Variants in TBK1 observed in about 807,000 individuals in gnomAD.
TBK1 encodes serine/threonine-protein kinase TBK1.
A neutral mutation model predicts 99.9 loss-of-function variants in TBK1; 37 were observed. The ratio of observed to expected loss-of-function variants is 0.37; its 90% CI spans 0.28 to 0.49. The LOEUF (loss-of-function observed/expected upper bound fraction) is 0.49. TBK1 is among the 20% of genes least tolerant of loss of function. The pLI, the probability that TBK1 is intolerant of heterozygous loss-of-function variation, is 0.98. For synonymous variants in TBK1, 258 were observed against 279.8 expected (o/e 0.92, Z 0.78); for missense variants, 644 against 872.5 (o/e 0.74, Z 3.30).
At chr12:64,499,037 C>CTTTTTTTTTTTTTTTT (rs763709411) in intron 20 of TBK1, among the ~76,000 whole-genome samples, 2 of 79,258 alleles carry the variant, frequency 2.5e-5, no homozygotes, top group African/African-American at 4.8e-5. Context: ...TAATTTTATT[C>CTTTTTTTTTTTTTTTT]TTTTTTTTTT....
intron 3 of TBK1, among the ~76,000 whole-genome samples, chr12:64,462,987 G>A (rs1287325969): frequency 6.6e-6 from 1 of 152,126 alleles, no homozygotes; most frequent in Non-Finnish European, 1.5e-5. Context: ...TTAAGGATAG[G>A]ACTCCATTCC....
At chr12:64,499,227 T>C (rs7397683) in intron 20 of TBK1, among the ~76,000 whole-genome samples, 46,472 of 150,598 alleles carry the variant, frequency 0.31, 7,599 homozygotes, top group East Asian at 0.56. Context: ...GTATTTTTAG[T>C]AGAGCTGGGG....
chr12:64,472,259 C>A (rs556846428), intron 5 of TBK1, among the ~76,000 whole-genome samples: 3 of 150,572 alleles, frequency 2.0e-5, no homozygotes, highest in Non-Finnish European at 4.4e-5. Flanking sequence ...CCAGCACCCC[C>A]CCACCACCCC....
Position 64,464,416 on chromosome 12 carries a change from C to T in TBK1, c.311C>T (p.Ala104Val). ...LYTVLEEPSN[A>V]YGLPESEFLI... ...ACTGTTTTAGAAGAACCTTCTAATG[C>T]CTATGGACTACCAGAATCTGAATTC... The change falls in exon 4 of 21, where the codon GCC (alanine) becomes GTC (valine). Residue 104 changes from alanine to valine, a missense_variant. Transcript: ENST00000331710. 13 of 1,603,032 alleles carry T rather than the reference C, an allele frequency of 8.1e-6. No homozygotes were observed. The highest frequency in any genetic ancestry group is 1.1e-5 in the Non-Finnish European group (13 of 1,174,054).
rs747864223 is a variant in TBK1, at chr12:64,455,920, A to T, written c.50A>T (p.Gln17Leu). 1 of 1,613,994 alleles carries T rather than the reference A, an allele frequency of 6.2e-7. No homozygotes were observed. Among genetic ancestry groups the T allele is most frequent in the Non-Finnish European group, 8.5e-7 (1 of 1,179,966 alleles). Residue 17 changes from glutamine (Q) to leucine (L), a missense_variant, in exon 2 of 21, where the codon CAA becomes CTA. Transcript: ENST00000331710. ...HLWLLSDILG[Q>L]GATANVFRGR... The stretch of plus-strand genomic sequence containing the variant: ...TGGCTTTTATCTGATATTTTAGGCC[A>T]AGGAGCTACTGCAAATGTCTTTCGT...
At chr12:64,465,687 C>T (rs1417525897) in intron 4 of TBK1, among the ~76,000 whole-genome samples, 1 of 152,080 alleles carries the variant, frequency 6.6e-6, no homozygotes, top group East Asian at 1.9e-4. Context: ...ACAAAGGCTG[C>T]AATATTATAT....
intron 6 of TBK1, among the ~76,000 whole-genome samples, chr12:64,476,318 C>A (rs538465017): frequency 6.6e-6 from 1 of 151,706 alleles, no homozygotes; most frequent in Non-Finnish European, 1.5e-5. Flanking sequence ...CCACCACACC[C>A]GGCTAATTTT....
intron 19 of TBK1, 79 bp from the exon 20 acceptor site, chr12:64,497,889 A>T (rs1592377498): frequency 6.9e-7 from 1 of 1,453,970 alleles, no homozygotes. Context: ...TTGACCAGTT[A>T]AAAGAAAATA....
chr12:64,487,809 A>G (rs2040833740), intron 11 of TBK1, among the ~76,000 whole-genome samples: 1 of 152,214 alleles, frequency 6.6e-6, no homozygotes, highest in Non-Finnish European at 1.5e-5. Flanking sequence ...TGGGCCATAC[A>G]AAAAGCAGGC....
In TBK1 at chr12:64,495,451, C is replaced by T. The variant is rs111523229; in HGVS notation, c.1522-32C>T. The stretch of plus-strand genomic sequence containing the variant: ...TGTGATGATCATTTCTGGCTTTTGG[C>T]AATCTGGATCTGAACCTTTGGTTTT... On this transcript the variant is annotated intron_variant, in intron 13 of 20. Transcript: ENST00000331710. 1,147 of 1,605,736 alleles carry T rather than the reference C, an allele frequency of 7.1e-4. 14 individuals carry two copies. The African/African-American group carries it at 0.013, about 19-fold the overall frequency.
intron 20 of TBK1, among the ~76,000 whole-genome samples, chr12:64,499,744 C>CG (rs1344200679): frequency 8.1e-6 from 1 of 122,808 alleles, no homozygotes; most frequent in Admixed American, 1.1e-4. Flanking sequence ...TGTCGCCAGG[C>CG]GGGAGTGCAG....
At chr12:64,486,109 G>T in intron 11 of TBK1, 92 bp downstream of exon 11, 2 of 793,238 alleles carry the variant, frequency 2.5e-6, no homozygotes, top group South Asian at 4.4e-5. Context: ...TAGGTTAGGT[G>T]CTTGATTTTT....
chr12:64,499,778 A>G (rs1592378682), intron 20 of TBK1, among the ~76,000 whole-genome samples: 1 of 143,250 alleles, frequency 7.0e-6, no homozygotes, highest in Admixed American at 7.4e-5. Context: ...GCTCACTGCA[A>G]CCTCCACCTC....
intron 2 of TBK1, among the ~76,000 whole-genome samples, chr12:64,456,853 A>G (rs1333527056): frequency 6.6e-6 from 1 of 151,988 alleles, no homozygotes; most frequent in African/African-American, 2.4e-5. Context: ...AAAAAAAAAA[A>G]AAGGATTTTG....
rs761960892 is a variant in TBK1 at position 64,480,014 on chromosome 12, A to T, written c.704A>T (p.Tyr235Phe). The change falls in exon 7 of 21, where the codon TAT (tyrosine) becomes TTT (phenylalanine). Residue 235 changes from tyrosine (Y) to phenylalanine (F), a missense_variant and splice_region_variant. Around this residue, in one of 3 missense-constraint regions of TBK1, gnomAD observed 31 missense variants for 82.4 expected, o/e 0.38. Coordinates refer to ENST00000331710, the MANE Select transcript of TBK1 (RefSeq NM_013254.4). ...EGPRRNKEVM[Y>F]KIITGKPSGA... ...ATTCTGCTTTTGTTCCTCCCAAGGT[A>T]TAAAATAATTACAGGAAAGCCTTCT... The T allele has an allele frequency of 6.2e-7, 1 of 1,609,258 alleles. No individual in the cohort carries two copies. Among genetic ancestry groups the T allele is most frequent in the East Asian group, 2.2e-5 (1 of 44,780 alleles).
chr12:64,468,638 C>T (rs760025101), intron 5 of TBK1, among the ~76,000 whole-genome samples: 2 of 152,040 alleles, frequency 1.3e-5, no homozygotes, highest in Non-Finnish European at 2.9e-5. Context: ...TCTTATGGAG[C>T]CCACGTTCTG....
intron 6 of TBK1, among the ~76,000 whole-genome samples, chr12:64,477,468 T>C (rs1423495777): frequency 6.6e-6 from 1 of 152,224 alleles, no homozygotes; most frequent in African/African-American, 2.4e-5. Context: ...TTTGTCCGTG[T>C]ATAGAAATGC....
At chr12:64,475,452 G>A (rs2040702594) in intron 6 of TBK1, among the ~76,000 whole-genome samples, 1 of 152,076 alleles carries the variant, frequency 6.6e-6, no homozygotes, top group Non-Finnish European at 1.5e-5. Flanking sequence ...CTCAGTGTCT[G>A]TTGTTTCCAT....
intron 1 of TBK1, chr12:64,452,773 C>CA (rs2040441799): frequency 6.6e-6 from 1 of 152,208 alleles, no homozygotes; most frequent in African/African-American, 2.4e-5. Context: ...TACGAATTCC[C>CA]AGACATTTCC....
Sources: allele counts gnomAD v4.1 joint callset (sites outside exome capture counted in the v4.1 genomes callset), GRCh38; gene constraint gnomAD v4.1.1; regional missense constraint gnomAD v4.1.1; transcripts MANE v1.5; gene names NCBI Gene and HGNC (gene_info 2026-07-23, HGNC 2026-07-21).